The following CFAP70 variants were observed in gnomAD, a reference collection of about 807,000 sequenced individuals.
The protein encoded by CFAP70 is cilia- and flagella-associated protein 70.
A neutral mutation model predicts 137.6 loss-of-function variants in CFAP70; 81 were observed. The observed-to-expected ratio is 0.59, with a 90% CI of 0.49 to 0.71. The LOEUF (loss-of-function observed/expected upper bound fraction) is 0.71. Ranked by LOEUF, CFAP70 falls within the 30% of genes least tolerant of loss-of-function variation. CFAP70 has a pLI of 0.00. For synonymous variants in CFAP70, 382 were observed against 423.6 expected (o/e 0.90, Z 1.20); for missense variants, 976 against 1,226.7 (o/e 0.80, Z 3.05).
At chr10:73,316,463 G>GATAT (rs56896753) in intron 9 of CFAP70, among the ~76,000 whole-genome samples, 7 of 128,140 alleles carry the variant, frequency 5.5e-5, no homozygotes, top group African/African-American at 1.5e-4. Flanking sequence ...CCTTTGTTGA[G>GATAT]ATATATATAT....
intron 12 of CFAP70, among the ~76,000 whole-genome samples, chr10:73,305,568 A>T (rs1353531719): frequency 6.6e-6 from 1 of 152,236 alleles, no homozygotes; most frequent in African/African-American, 2.4e-5. Flanking sequence ...CTCAGCACAG[A>T]GCCATCTGTA....
chr10:73,311,773 C>G, intron 11 of CFAP70, 61 bp downstream of exon 12: 1 of 1,259,688 alleles, frequency 7.9e-7, no homozygotes, highest in South Asian at 1.2e-5. Flanking sequence ...ATTGAAAATG[C>G]CTTGCTTAAT....
intron 25 of CFAP70, among the ~76,000 whole-genome samples, chr10:73,256,902 C>CAAAAAA (rs55805225): frequency 3.4e-5 from 2 of 58,302 alleles, no homozygotes; most frequent in Admixed American, 1.9e-4. Flanking sequence ...GACTCCATCT[C>CAAAAAA]AAAAAAAAAA....
intron 12 of CFAP70, among the ~76,000 whole-genome samples, chr10:73,307,470 AG>A (rs2049481553): frequency 6.6e-6 from 1 of 152,206 alleles, no homozygotes; most frequent in Non-Finnish European, 1.5e-5. Context: ...GCTGTCTACA[AG>A]ATACTCCCTT....
chr10:73,261,474 C>T (rs747120461), intron 25 of CFAP70, among the ~76,000 whole-genome samples: 3 of 152,144 alleles, frequency 2.0e-5, no homozygotes, highest in South Asian at 2.1e-4. Flanking sequence ...TCACGTCTTA[C>T]GTGGATGGTA....
intron 13 of CFAP70, 138 bp from the exon 15 acceptor site, chr10:73,299,239 T>G: frequency 1.4e-6 from 1 of 707,484 alleles, no homozygotes; most frequent in Non-Finnish European, 2.3e-6. Flanking sequence ...AGAGACAAGG[T>G]CTCTCTCGCC....
rs1033531256 is a variant in CFAP70, at chr10:73,353,514, A to T, written c.250+42T>A. ...TTTCCCATCCAACATGATAGGGAAG[A>T]AGGCAATCGGGACATTGATTTTTAG... On this transcript the variant is annotated intron_variant, in intron 3 of 26. Coordinates refer to ENST00000310715, the Ensembl canonical transcript of CFAP70. 5 of 1,565,846 alleles carry T rather than the reference A, an allele frequency of 3.2e-6. No individual in the cohort carries two copies. In the African/African-American group the frequency reaches 4.1e-5, roughly 13 times the overall value.
chr10:73,326,031 T>C (rs1471625975), intron 8 of CFAP70, among the ~76,000 whole-genome samples: 2 of 151,892 alleles, frequency 1.3e-5, no homozygotes, highest in Non-Finnish European at 2.9e-5. Context: ...CAACAGAATA[T>C]ACATTTTTTT....
intron 12 of CFAP70, among the ~76,000 whole-genome samples, chr10:73,304,333 C>T (rs2049203270): frequency 6.6e-6 from 1 of 152,100 alleles, no homozygotes; most frequent in Non-Finnish European, 1.5e-5. Context: ...GGATTACAGG[C>T]GTGAGCCACT....
At chr10:73,353,028 G>A (rs1418720086) in intron 3 of CFAP70, among the ~76,000 whole-genome samples, 2 of 152,286 alleles carry the variant, frequency 1.3e-5, no homozygotes, top group Admixed American at 6.5e-5. Flanking sequence ...GGTAGGACTT[G>A]CTTTATCGCT....
intron 9 of CFAP70, among the ~76,000 whole-genome samples, chr10:73,319,463 C>T (rs531344437): frequency 1.1e-4 from 16 of 152,242 alleles, no homozygotes; most frequent in African/African-American, 3.4e-4. Context: ...ACTTGCAAGC[C>T]CCCCTACCCC....
At chr10:73,260,271 T>C (rs573030230) in intron 25 of CFAP70, among the ~76,000 whole-genome samples, 7 of 151,776 alleles carry the variant, frequency 4.6e-5, no homozygotes, top group African/African-American at 1.5e-4. Context: ...GAGGATCCCT[T>C]GAGCCCAGGA....
chr10:73,343,545 C>T (rs1026835494), intron 5 of CFAP70, among the ~76,000 whole-genome samples: 2 of 152,082 alleles, frequency 1.3e-5, no homozygotes, highest in African/African-American at 4.8e-5. Context: ...CCCCTCTCTA[C>T]TAAAATACAA....
chr10:73,346,457 G>A (rs997148254), intron 4 of CFAP70, among the ~76,000 whole-genome samples: 1 of 151,762 alleles, frequency 6.6e-6, no homozygotes, highest in Non-Finnish European at 1.5e-5. Context: ...CCAACATGGT[G>A]AAACCCCATC....
At chr10:73,344,059 T>C (rs924500973) in intron 5 of CFAP70, among the ~76,000 whole-genome samples, 7 of 151,732 alleles carry the variant, frequency 4.6e-5, no homozygotes, top group African/African-American at 1.7e-4. Flanking sequence ...GCCTCCCAGG[T>C]TTAAGTGGTT....
At chr10:73,282,668 T>C (rs1224225676) in intron 19 of CFAP70, among the ~76,000 whole-genome samples, 1 of 152,074 alleles carries the variant, frequency 6.6e-6, no homozygotes, top group Non-Finnish European at 1.5e-5. Context: ...CCCAAAGTGC[T>C]GGGATTACAG....
intron 25 of CFAP70, among the ~76,000 whole-genome samples, chr10:73,266,222 A>G (rs776225916): frequency 2.6e-5 from 4 of 152,118 alleles, no homozygotes; most frequent in Admixed American, 6.6e-5. Context: ...GTTAATCTTC[A>G]TTGACTAAAT....
chr10:73,331,191 C>A, exon 8 of CFAP70: 2 of 1,610,256 alleles, frequency 1.2e-6, no homozygotes, highest in South Asian at 2.2e-5. Context: ...TCAGTTTTGC[C>A]AGCTTTCCCT....
At chr10:73,360,410 T>G (rs115144195), upstream of CFAP70, among the ~76,000 whole-genome samples, 521 of 152,184 alleles carry the variant, frequency 3.4e-3, 3 homozygotes, top group African/African-American at 0.012. Flanking sequence ...ATGGAACAAG[T>G]GCAATAAAGT....
Sources: gnomAD v4.1 joint callset for allele counts (sites outside exome capture counted in the v4.1 genomes callset) on GRCh38, gnomAD v4.1.1 for gene constraint, MANE v1.5 for transcripts, NCBI Gene and HGNC (gene_info 2026-07-23, HGNC 2026-07-21) for gene names.